CTIF: variants seen among roughly 807,000 people sequenced by gnomAD.
CTIF encodes cap binding complex dependent translation initiation factor.
A neutral mutation model predicts 66.0 loss-of-function variants in CTIF; 21 were observed. That is an observed-to-expected ratio of 0.32 (90% CI 0.23 to 0.46). The LOEUF (loss-of-function observed/expected upper bound fraction) is 0.46. Among genes scored for constraint, CTIF ranks in the 20% least tolerant of loss-of-function variants. The probability of loss-of-function intolerance (pLI) is 1.00; values close to 1 mark genes in which losing one functional copy is unlikely to be tolerated. For missense variants in CTIF, 739 were observed against 812.7 expected, an observed-to-expected ratio of 0.91 and a Z score of 1.10; for synonymous variants, 345 against 326.4, an observed-to-expected ratio of 1.06 and a Z score of -0.62.
chr18:48,711,692 G>A lies in CTIF; in HGVS notation c.581G>A (p.Arg194Gln). The change falls in exon 7 of 12, where the codon CGA (arginine) becomes CAA (glutamine). Residue 194 changes from arginine to glutamine, a missense_variant. Arg to Gln is a conservative substitution (Grantham distance 43, BLOSUM62 1). Around this residue, in one of 2 missense-constraint regions of CTIF, gnomAD observed 529 missense variants for 520.3 expected, o/e 1.02. Transcript: ENST00000256413. Reference sequence around the variant, plus strand: ...CTGTTCCGCAGGAGGAGAAATGATCGAAGGTAGGAGAGACTTCGTCGTGAG... The same window carrying A: ...CTGTTCCGCAGGAGGAGAAATGATCAAAGGTAGGAGAGACTTCGTCGTGAG... The part of the protein sequence containing the change: ...KKLFRRRRND[R>Q]RRQQRPPGGN... 2 of 1,613,432 alleles carry A rather than the reference G, an allele frequency of 1.2e-6. No individual in the cohort carries two copies. Among genetic ancestry groups the A allele is most frequent in the East Asian group, 2.2e-5 (1 of 44,886 alleles).
intron 2 of CTIF, among the ~76,000 whole-genome samples, chr18:48,628,888 G>A (rs1055497837): frequency 6.6e-6 from 1 of 152,220 alleles, no homozygotes; most frequent in African/African-American, 2.4e-5. Flanking sequence ...TCACTGGATA[G>A]AGAATGAGCT....
intron 9 of CTIF, among the ~76,000 whole-genome samples, chr18:48,763,605 C>T (rs1030931894): frequency 6.6e-6 from 1 of 152,240 alleles, no homozygotes; most frequent in Non-Finnish European, 1.5e-5. Context: ...GTTTGGCAAA[C>T]ACTACAGCAG....
chr18:48,649,643 G>T (rs1189511517), intron 3 of CTIF, among the ~76,000 whole-genome samples: 1 of 152,212 alleles, frequency 6.6e-6, no homozygotes, highest in Non-Finnish European at 1.5e-5. Flanking sequence ...TGGACAGACT[G>T]CCTCCTCAAG....
intron 6 of CTIF, among the ~76,000 whole-genome samples, chr18:48,678,551 T>C (rs2091681210): frequency 6.6e-6 from 1 of 151,826 alleles, no homozygotes; most frequent in African/African-American, 2.4e-5. Flanking sequence ...CAGCGTGCTC[T>C]GTGAGGCGAG....
intron 10 of CTIF, among the ~76,000 whole-genome samples, chr18:48,827,981 A>T (rs2068617224): frequency 6.6e-6 from 1 of 151,740 alleles, no homozygotes; most frequent in African/African-American, 2.4e-5. Context: ...TCAAGATAGA[A>T]CTGGAGTCTC....
intron 10 of CTIF, among the ~76,000 whole-genome samples, chr18:48,841,260 A>C (rs2068934621): frequency 6.6e-6 from 1 of 152,198 alleles, no homozygotes; most frequent in African/African-American, 2.4e-5. Flanking sequence ...GTTGGTGAGC[A>C]AGCAGGGGCC....
At chr18:48,790,955 C>G (rs1327325307) in intron 9 of CTIF, among the ~76,000 whole-genome samples, 1 of 152,220 alleles carries the variant, frequency 6.6e-6, no homozygotes, top group Non-Finnish European at 1.5e-5. Context: ...CCTGCTCTCC[C>G]TCAGCCCCCA....
chr18:48,592,600 G>A (rs2089910116), intron 1 of CTIF, among the ~76,000 whole-genome samples: 2 of 152,310 alleles, frequency 1.3e-5, no homozygotes, highest in South Asian at 4.1e-4. Flanking sequence ...CATGGGAGAA[G>A]CTGTGCGTGG....
chr18:48,562,424 C>G (rs1317835683), intron 1 of CTIF, among the ~76,000 whole-genome samples: 1 of 152,252 alleles, frequency 6.6e-6, no homozygotes, highest in Admixed American at 6.5e-5. Flanking sequence ...CTGCCTCTCA[C>G]TGGTGGCCTT....
At position 48,649,412 on chromosome 18, in the gene CTIF, A is replaced by G. The variant is rs549392925; in HGVS notation, c.252+12727A>G. ...GCCTGGAGGGGGAGGGGCGTCTGCC[A>G]TTGCTGACGCTTGAGTAGGTAAACA... is the stretch of plus-strand genomic sequence containing the variant. On this transcript the variant is annotated intron_variant, in intron 3 of 11. Coordinates refer to ENST00000256413, the MANE Select transcript of CTIF (RefSeq NM_014772.3). Among the ~76,000 whole-genome samples the G allele has an allele frequency of 3.3e-5, 5 of 152,378 alleles. No homozygotes were observed. The South Asian group carries it at 8.3e-4, about 25-fold the overall frequency.
At chr18:48,675,475 C>G (rs1030312922) in intron 6 of CTIF, among the ~76,000 whole-genome samples, 2 of 152,172 alleles carry the variant, frequency 1.3e-5, no homozygotes, top group African/African-American at 4.8e-5. Flanking sequence ...GTGGGAAGTC[C>G]CCTGGTCCCA....
chr18:48,621,687 G>T, intron 2 of CTIF: 1 of 284,758 alleles, frequency 3.5e-6, no homozygotes, highest in African/African-American at 2.3e-5. Context: ...GCCGTGACGG[G>T]GAAGTTTCCA....
rs554088629 is a variant in CTIF at position 48,648,455 on chromosome 18, G to A, written c.252+11770G>A. 2.2e-3 allele frequency among the ~76,000 whole-genome samples: 241 copies of A among 109,716 alleles called. 2 individuals are homozygous for A. The highest frequency in any genetic ancestry group is 6.5e-3 in the African/African-American group (234 of 35,822). 72.0% of individuals were successfully genotyped at this position (109,716 alleles called of 152,430 possible). A position where few individuals can be genotyped will look rare whatever the true frequency, so the allele number is the denominator to read the frequency against. On this transcript the variant is annotated intron_variant, in intron 3 of 11. Coordinates refer to ENST00000256413, the MANE Select transcript of CTIF (RefSeq NM_014772.3). Reference sequence around the variant, plus strand: ...CTTTCCCAGCTGTGTCTGGGGTGCCGTCCTTCGTTCTGAACACACACACAC... The same window carrying A: ...CTTTCCCAGCTGTGTCTGGGGTGCCATCCTTCGTTCTGAACACACACACAC...
intron 9 of CTIF, among the ~76,000 whole-genome samples, chr18:48,785,433 CCT>C (rs1173977613): frequency 6.6e-6 from 1 of 152,252 alleles, no homozygotes; most frequent in African/African-American, 2.4e-5. Flanking sequence ...TGGAGGAACT[CCT>C]CACATCTCAG....
chr18:48,632,129 G>A (rs182128128), intron 2 of CTIF, among the ~76,000 whole-genome samples: 364 of 152,340 alleles, frequency 2.4e-3, no homozygotes, highest in Middle Eastern at 0.017. Flanking sequence ...ATAGGGAAGG[G>A]AGGGCTACCA....
intron 1 of CTIF, among the ~76,000 whole-genome samples, chr18:48,591,445 C>T (rs76417437): frequency 1.2e-4 from 19 of 152,204 alleles, no homozygotes; most frequent in Non-Finnish European, 2.6e-4. Flanking sequence ...CCTGGCCCCA[C>T]GTCCAGTATG....
intron 9 of CTIF, among the ~76,000 whole-genome samples, chr18:48,762,422 G>A (rs753389267): frequency 3.9e-5 from 6 of 152,228 alleles, no homozygotes; most frequent in African/African-American, 4.8e-5. Context: ...TGTATGGGCA[G>A]TAGCAGATGA....
At chr18:48,683,009 A>T (rs1053960311) in intron 6 of CTIF, 2 of 152,262 alleles carry the variant, frequency 1.3e-5, no homozygotes, top group African/African-American at 4.8e-5. Flanking sequence ...CTTCCAGCGC[A>T]CTGCTTTGTG....
chr18:48,556,249 G>A (rs538533609), intron 1 of CTIF, among the ~76,000 whole-genome samples: 1 of 152,158 alleles, frequency 6.6e-6, no homozygotes, highest in Non-Finnish European at 1.5e-5. Context: ...AATAGGTGGG[G>A]GCATCACTGT....
Sources: gnomAD v4.1 joint callset for allele counts (sites outside exome capture counted in the v4.1 genomes callset) on GRCh38, gnomAD v4.1.1 for gene constraint, gnomAD v4.1.1 regional missense constraint, MANE v1.5 for transcripts, NCBI Gene and HGNC (gene_info 2026-07-23, HGNC 2026-07-21) for gene names.